Variants in NDRG3 observed in about 807,000 individuals in gnomAD.
The protein encoded by NDRG3 is protein NDRG3.
NDRG3 carries 23 observed loss-of-function variants against 57.2 expected under a neutral mutation model. The observed-to-expected ratio is 0.40, with a 90% confidence interval of 0.29 to 0.57. The LOEUF (loss-of-function observed/expected upper bound fraction) is 0.57, where lower values mean the gene tolerates loss of function less well. NDRG3 is among the 20% of genes least tolerant of loss of function. NDRG3 has a pLI of 0.42. For synonymous variants in NDRG3, 132 were observed against 162.6 expected (o/e 0.81, Z 1.43); for missense variants, 384 against 457.3 (o/e 0.84, Z 1.46).
chr20:36,660,802 C>T (rs945991103), intron 12 of NDRG3, among the ~76,000 whole-genome samples: 1 of 152,064 alleles, frequency 6.6e-6, no homozygotes, highest in Non-Finnish European at 1.5e-5. Flanking sequence ...CCTCGTGATC[C>T]GCCCACCTCG....
Position 36,687,503 on chromosome 20 carries a change from A to G in NDRG3, c.309T>C (p.Ser103=), listed in dbSNP as rs531746025. The change falls in exon 5 of 16, where the codon TCT becomes TCC. Residue 103 remains serine, a synonymous_variant. Transcript: ENST00000349004. ...DAPGQQEGAP[S]FPTGYQYPTM... is the part of the protein sequence containing the mutation. Reference sequence around the variant, plus strand: ...TTTCGTGGCCTTACCCTGTTGGGAAAGAGGGTGCACCTTCCTGCTGGCCTG... The same window carrying G: ...TTTCGTGGCCTTACCCTGTTGGGAAGGAGGGTGCACCTTCCTGCTGGCCTG... 2 of 1,613,700 alleles carry G rather than the reference A, an allele frequency of 1.2e-6. No individual in the cohort carries two copies. Among genetic ancestry groups the G allele is most frequent in the South Asian group, 2.2e-5 (2 of 91,046 alleles).
At chr20:36,691,722 AT>A (rs1214758920) in intron 3 of NDRG3, among the ~76,000 whole-genome samples, 1 of 152,220 alleles carries the variant, frequency 6.6e-6, no homozygotes, top group Admixed American at 6.5e-5. Context: ...TCTCAAAAAA[AT>A]ATAACAAATA....
rs561242549 is a variant in NDRG3 at position 36,694,986 on chromosome 20, G to A, written c.94-6202C>T. 3.9e-5 allele frequency among the ~76,000 whole-genome samples: 6 copies of A among 152,246 alleles called. No homozygotes were observed. In the East Asian group the frequency reaches 1.2e-3, roughly 29 times the overall value. On this transcript the variant is annotated intron_variant, in intron 3 of 15. Transcript: ENST00000349004. Reference sequence around the variant, plus strand: ...TTGCCCAGTGTTGCAGGAAGTCAGGGACCCCAAACAGAGGGACCTGCTGAA... The same window carrying A: ...TTGCCCAGTGTTGCAGGAAGTCAGGAACCCCAAACAGAGGGACCTGCTGAA...
chr20:36,735,627 A>T (rs576497362), intron 1 of NDRG3, among the ~76,000 whole-genome samples: 1 of 152,258 alleles, frequency 6.6e-6, no homozygotes, highest in South Asian at 2.1e-4. Context: ...GATGGGCCCT[A>T]AAGGGATATG....
At chr20:36,726,557 C>T (rs1304154907) in intron 1 of NDRG3, among the ~76,000 whole-genome samples, 1 of 152,186 alleles carries the variant, frequency 6.6e-6, no homozygotes, top group Non-Finnish European at 1.5e-5. Context: ...TCTCCAGATC[C>T]CTCAGCTGCA....
At chr20:36,704,613 TA>T (rs1419311600) in intron 3 of NDRG3, among the ~76,000 whole-genome samples, 2 of 152,154 alleles carry the variant, frequency 1.3e-5, no homozygotes, top group African/African-American at 4.8e-5. Context: ...TAGATCAAAT[TA>T]AAAACAATCC....
In NDRG3 at chr20:36,746,070, TGCAGCA is replaced by T. The variant is rs1320822587; in HGVS notation, c.-80_-75del. On this transcript the variant is annotated 5_prime_UTR_variant, in exon 1 of 16. Coordinates refer to ENST00000349004, the MANE Select transcript of NDRG3 (RefSeq NM_032013.4). ...CTGAGGCGCGGGCACCCGCCGTCAG[TGCAGCA>T]GCAGCGGCGGCGGCGGCGGCGGCGG... is the stretch of plus-strand genomic sequence containing the variant. 3 of 319,618 alleles carry T rather than the reference TGCAGCA, an allele frequency of 9.4e-6. No homozygotes were observed. Among genetic ancestry groups the T allele is most frequent in the Admixed American group, 5.5e-5 (1 of 18,224 alleles). The allele number at this position is 319,618 out of a possible 1,614,324, so 19.8% of individuals were successfully genotyped here. A position where few individuals can be genotyped will look rare whatever the true frequency, so the allele number is the denominator to read the frequency against.
rs1312854343 is a variant in NDRG3, at chr20:36,684,467, T to C, written c.329A>G (p.Tyr110Cys). The change falls in exon 6 of 16, where the codon TAC becomes TGC. Residue 110 changes from tyrosine (Y) to cysteine (C), a missense_variant. Coordinates refer to ENST00000349004, the MANE Select transcript of NDRG3 (RefSeq NM_032013.4). The part of the protein sequence containing the change: ...GAPSFPTGYQ[Y>C]PTMDELAEML... ...TTCAGCCAGCTCATCCATTGTGGGG[T>C]ACTGATACCTGCAATCCAGAAGGAT... The C allele has an allele frequency of 6.2e-7, 1 of 1,613,582 alleles. No homozygotes were observed. Among genetic ancestry groups the C allele is most frequent in the Non-Finnish European group, 8.5e-7 (1 of 1,179,594 alleles).
intron 5 of NDRG3, among the ~76,000 whole-genome samples, chr20:36,686,523 T>C (rs1981794842): frequency 6.6e-6 from 1 of 152,208 alleles, no homozygotes; most frequent in Non-Finnish European, 1.5e-5. Context: ...AAGGCAGCTC[T>C]GGAGATGAGT....
intron 1 of NDRG3, among the ~76,000 whole-genome samples, 158 bp downstream of exon 1, chr20:36,745,887 G>C (rs1041196504): frequency 1.5e-4 from 21 of 142,196 alleles, no homozygotes; most frequent in Admixed American, 3.4e-4. Context: ...GCGGGGCGGG[G>C]CAGAGGGCCC....
chr20:36,693,105 A>AATAT (rs1290033865), intron 3 of NDRG3, among the ~76,000 whole-genome samples: 866 of 25,724 alleles, frequency 0.034, 20 homozygotes, highest in Non-Finnish European at 0.038. Flanking sequence ...AAAAAAAAAA[A>AATAT]ATATATATAT....
chr20:36,669,358 T>A (rs1300747004), intron 9 of NDRG3, among the ~76,000 whole-genome samples: 1 of 143,410 alleles, frequency 7.0e-6, no homozygotes, highest in Admixed American at 7.3e-5. Context: ...ACCTTCCAAG[T>A]AGCTGGTACT....
At chr20:36,742,079 TCAC>T (rs1161995947) in intron 1 of NDRG3, among the ~76,000 whole-genome samples, 4 of 152,168 alleles carry the variant, frequency 2.6e-5, no homozygotes, top group Admixed American at 1.3e-4. Context: ...CAAAGTGGTC[TCAC>T]CACCACATCT....
chr20:36,733,992 T>A (rs1985478389), intron 1 of NDRG3, among the ~76,000 whole-genome samples: 4 of 152,224 alleles, frequency 2.6e-5, no homozygotes, highest in Admixed American at 2.6e-4. Flanking sequence ...TGGATTATTA[T>A]GATGGCACCG....
chr20:36,694,107 T>A (rs1465528316), intron 3 of NDRG3, among the ~76,000 whole-genome samples: 1 of 152,142 alleles, frequency 6.6e-6, no homozygotes, highest in Non-Finnish European at 1.5e-5. Context: ...AAGGTCTTCA[T>A]CCTTGTTATC....
At chr20:36,734,161 C>T (rs1406574341) in intron 1 of NDRG3, among the ~76,000 whole-genome samples, 5 of 151,786 alleles carry the variant, frequency 3.3e-5, no homozygotes, top group Middle Eastern at 3.4e-3. Context: ...GAGCTGAGAT[C>T]GTGCCATTGC....
At chr20:36,686,800 A>G (rs1981821598) in intron 5 of NDRG3, among the ~76,000 whole-genome samples, 1 of 152,246 alleles carries the variant, frequency 6.6e-6, no homozygotes, top group Non-Finnish European at 1.5e-5. Flanking sequence ...AGATGCTCCC[A>G]GGAAAGCTCA....
chr20:36,687,155 C>T (rs112690093), intron 5 of NDRG3, among the ~76,000 whole-genome samples: 601 of 151,998 alleles, frequency 4.0e-3, no homozygotes, highest in African/African-American at 0.013. Flanking sequence ...CACCACGTCT[C>T]GCTAAAAAAT....
chr20:36,653,322 G>T lies in NDRG3; in HGVS notation c.*198C>A. On this transcript the variant is annotated 3_prime_UTR_variant, in exon 16 of 16. Transcript: ENST00000349004. The surrounding 1 kb of genome is among the most constrained non-coding windows in gnomAD (Gnocchi z 4.2). ...AAAGATGTTGGAATGTTACAGTATG[G>T]CATGGAAGTGGTTCTTGGGCTATAC... is the stretch of plus-strand genomic sequence containing the variant. The T allele has an allele frequency of 1.8e-6, 1 of 545,480 alleles. No homozygotes were observed. The highest frequency in any genetic ancestry group is 3.3e-6 in the Non-Finnish European group (1 of 307,550). 33.8% of individuals were successfully genotyped at this position (545,480 alleles called of 1,614,324 possible). A position where few individuals can be genotyped will look rare whatever the true frequency, so the allele number is the denominator to read the frequency against.
Sources: allele counts gnomAD v4.1 joint callset (sites outside exome capture counted in the v4.1 genomes callset), GRCh38; gene constraint gnomAD v4.1.1; non-coding constraint Gnocchi (gnomAD v3.1); transcripts MANE v1.5; gene names NCBI Gene and HGNC (gene_info 2026-07-23, HGNC 2026-07-21).